The following DIS3L2 variants were observed in gnomAD, a reference collection of about 807,000 sequenced individuals.
DIS3L2 encodes DIS3-like exonuclease 2.
DIS3L2 carries 34 observed loss-of-function variants against 97.5 expected under a neutral mutation model. The observed-to-expected ratio is 0.35, with a 90% CI of 0.27 to 0.46. The LOEUF is 0.46. Ranked by LOEUF, DIS3L2 falls within the 20% of genes least tolerant of loss-of-function variation. DIS3L2 has a pLI of 1.00. For synonymous variants in DIS3L2, 435 were observed against 445.2 expected (o/e 0.98, Z 0.29); for missense variants, 1,038 against 1,146.0 (o/e 0.91, Z 1.36).
chr2:232,333,758 T>TTA, intron 16 of DIS3L2, 82 bp from the exon 17 acceptor site: 25 of 1,401,618 alleles, frequency 1.8e-5, no homozygotes, highest in Admixed American at 1.3e-4. Flanking sequence ...CTGCCGACGG[T>TTA]GAGGCTGTGG....
chr2:231,994,554 G>A (rs1376781469), intron 1 of DIS3L2, among the ~76,000 whole-genome samples: 1 of 151,904 alleles, frequency 6.6e-6, no homozygotes, highest in African/African-American at 2.4e-5. Context: ...CACGATTTAG[G>A]CCCCTTTACC....
intron 5 of DIS3L2, among the ~76,000 whole-genome samples, chr2:232,066,742 A>G (rs922180576): frequency 2.0e-5 from 3 of 151,932 alleles, no homozygotes; most frequent in Non-Finnish European, 4.4e-5. Context: ...AAATTTCTTT[A>G]TTGATATAGA....
At chr2:232,129,072 C>T (rs757662455) in intron 6 of DIS3L2, among the ~76,000 whole-genome samples, 16 of 152,190 alleles carry the variant, frequency 1.1e-4, no homozygotes, top group South Asian at 4.2e-4. Flanking sequence ...TTTGAACAGC[C>T]GACTTGCTGT....
chr2:232,326,479 G>A (rs1392819330), intron 14 of DIS3L2, among the ~76,000 whole-genome samples: 1 of 152,182 alleles, frequency 6.6e-6, no homozygotes, highest in Non-Finnish European at 1.5e-5. Context: ...CCAGAGCCAG[G>A]GGTCAGCCCC....
At chr2:232,035,877 T>C (rs1694936624) in intron 5 of DIS3L2, among the ~76,000 whole-genome samples, 1 of 152,250 alleles carries the variant, frequency 6.6e-6, no homozygotes, top group African/African-American at 2.4e-5. Flanking sequence ...CCACTGTTAG[T>C]CTGATGGGCT....
intron 16 of DIS3L2, 84 bp from the exon 17 acceptor site, chr2:232,333,756 G>GATTA: frequency 6.7e-7 from 1 of 1,487,198 alleles, no homozygotes; most frequent in South Asian, 1.4e-5. Context: ...CGCTGCCGAC[G>GATTA]GTGAGGCTGT....
intron 8 of DIS3L2, among the ~76,000 whole-genome samples, chr2:232,160,814 C>G (rs1288524767): frequency 6.6e-6 from 1 of 152,132 alleles, no homozygotes; most frequent in Non-Finnish European, 1.5e-5. Flanking sequence ...CATGATTGTG[C>G]CACTGCACTT....
intron 1 of DIS3L2, among the ~76,000 whole-genome samples, chr2:232,009,516 G>A (rs771979734): frequency 1.3e-5 from 2 of 152,112 alleles, no homozygotes; most frequent in East Asian, 1.9e-4. Flanking sequence ...CTGGGTCAGC[G>A]TATCTTAGTG....
At chr2:232,279,083 A>G (rs1370507955) in intron 13 of DIS3L2, among the ~76,000 whole-genome samples, 2 of 152,138 alleles carry the variant, frequency 1.3e-5, no homozygotes, top group Non-Finnish European at 2.9e-5. Context: ...GATTATAGGC[A>G]TGTGCCACCA....
intron 1 of DIS3L2, among the ~76,000 whole-genome samples, chr2:231,966,860 C>T (rs1559500038): frequency 6.6e-6 from 1 of 151,490 alleles, no homozygotes; most frequent in Non-Finnish European, 1.5e-5. Context: ...TCCTTTTTGT[C>T]ATGTAACATG....
intron 14 of DIS3L2, among the ~76,000 whole-genome samples, chr2:232,321,464 C>T (rs1695429232): frequency 6.6e-6 from 1 of 152,230 alleles, no homozygotes; most frequent in Admixed American, 6.5e-5. Flanking sequence ...GCCAAGGCAT[C>T]TGAGGGGCAG....
chr2:232,034,115 G>C (rs1025296577), intron 5 of DIS3L2, among the ~76,000 whole-genome samples: 1 of 152,058 alleles, frequency 6.6e-6, no homozygotes, highest in African/African-American at 2.4e-5. Context: ...TTTTTTGGTT[G>C]GTAGGCTATT....
chr2:232,295,501 C>G (rs1269388825), intron 13 of DIS3L2, among the ~76,000 whole-genome samples: 1 of 152,174 alleles, frequency 6.6e-6, no homozygotes, highest in East Asian at 1.9e-4. Flanking sequence ...CTGCAGTTCT[C>G]TCTGTCTCTC....
intron 12 of DIS3L2, among the ~76,000 whole-genome samples, chr2:232,252,473 A>C (rs1693445364): frequency 6.6e-6 from 1 of 152,242 alleles, no homozygotes; most frequent in African/African-American, 2.4e-5. Flanking sequence ...GGGCTTCTAC[A>C]TTCTGTCTGT....
intron 8 of DIS3L2, among the ~76,000 whole-genome samples, chr2:232,154,811 G>A (rs897494359): frequency 4.6e-5 from 6 of 131,272 alleles, no homozygotes; most frequent in East Asian, 2.2e-4. Flanking sequence ...CCTCGTTGCC[G>A]CCTTGCAGTT....
intron 5 of DIS3L2, among the ~76,000 whole-genome samples, chr2:232,079,318 C>T (rs1023180845): frequency 6.6e-6 from 1 of 151,784 alleles, no homozygotes; most frequent in African/African-American, 2.4e-5. Context: ...TGGATAAGGC[C>T]AGGCGCAGTG....
chr2:232,290,586 G>T (rs1694574394), intron 13 of DIS3L2, among the ~76,000 whole-genome samples: 1 of 152,228 alleles, frequency 6.6e-6, no homozygotes, highest in African/African-American at 2.4e-5. Context: ...AACCCTCCCT[G>T]TGGGTTGACC....
intron 5 of DIS3L2, among the ~76,000 whole-genome samples, chr2:232,045,664 G>T (rs1029279892): frequency 7.3e-6 from 1 of 137,096 alleles, no homozygotes; most frequent in African/African-American, 2.6e-5. Context: ...CCTTTTAAAG[G>T]CCTCACTTTT....
intron 1 of DIS3L2, among the ~76,000 whole-genome samples, chr2:232,004,661 A>T (rs1219109414): frequency 6.7e-6 from 1 of 150,258 alleles, no homozygotes; most frequent in African/African-American, 2.5e-5. Context: ...GCTCAGTGCA[A>T]CCTCCACCTC....
Sources: gnomAD v4.1 joint callset for allele counts (sites outside exome capture counted in the v4.1 genomes callset) on GRCh38, gnomAD v4.1.1 for gene constraint, MANE v1.5 for transcripts, NCBI Gene and HGNC (gene_info 2026-07-23, HGNC 2026-07-21) for gene names.